Variants in SPAG16 observed in about 807,000 individuals in gnomAD.
The protein encoded by SPAG16 is sperm associated antigen 16, also known as sperm-associated antigen 16 protein.
SPAG16 carries 86 observed loss-of-function variants against 80.4 expected under a neutral mutation model. That is an observed-to-expected ratio of 1.07 (90% CI 0.90 to 1.28). SPAG16 has a LOEUF of 1.28. Among genes scored for constraint, SPAG16 ranks in the 50% most tolerant of loss-of-function variants. The pLI is 0.00. For synonymous variants in SPAG16, 294 were observed against 265.9 expected, an observed-to-expected ratio of 1.11 and a Z score of -1.03; for missense variants, 870 against 765.3, an observed-to-expected ratio of 1.14 and a Z score of -1.61.
chr2:213,731,948 G>C (rs2067063651), intron 10 of SPAG16, among the ~76,000 whole-genome samples: 1 of 152,036 alleles, frequency 6.6e-6, no homozygotes, highest in African/African-American at 2.4e-5. Flanking sequence ...TTTTGCTTTT[G>C]TTGCAATGGC....
intron 15 of SPAG16, among the ~76,000 whole-genome samples, chr2:214,407,870 C>T (rs970948666): frequency 3.9e-5 from 6 of 152,034 alleles, no homozygotes; most frequent in African/African-American, 1.2e-4. Flanking sequence ...CATTACATGC[C>T]GTGTAATAAT....
At chr2:214,314,427 A>C (rs1390014838) in intron 15 of SPAG16, among the ~76,000 whole-genome samples, 3 of 152,176 alleles carry the variant, frequency 2.0e-5, no homozygotes, top group Non-Finnish European at 4.4e-5. Flanking sequence ...AAGTTCTAAA[A>C]CATGAATGAC....
intron 5 of SPAG16, among the ~76,000 whole-genome samples, chr2:213,336,607 A>G (rs1316496674): frequency 2.0e-5 from 3 of 152,186 alleles, no homozygotes; most frequent in African/African-American, 7.2e-5. Context: ...AGCGCAGCAC[A>G]GCAGCTGTGT....
chr2:213,818,522 G>A (rs2072717525), intron 10 of SPAG16, among the ~76,000 whole-genome samples: 1 of 152,168 alleles, frequency 6.6e-6, no homozygotes, highest in Non-Finnish European at 1.5e-5. Flanking sequence ...CCAAGTCCAT[G>A]TATATATGAA....
intron 12 of SPAG16, among the ~76,000 whole-genome samples, chr2:213,934,382 A>G (rs574900048): frequency 1.3e-5 from 2 of 152,364 alleles, no homozygotes; most frequent in African/African-American, 4.8e-5. Flanking sequence ...AATGCAAGTG[A>G]CACTGCTGAA....
At chr2:213,978,776 T>C (rs188033327) in intron 12 of SPAG16, among the ~76,000 whole-genome samples, 3 of 152,218 alleles carry the variant, frequency 2.0e-5, no homozygotes, top group Non-Finnish European at 4.4e-5. Flanking sequence ...CAGGAAGATC[T>C]GTTTTCAAGC....
intron 15 of SPAG16, among the ~76,000 whole-genome samples, chr2:214,149,880 A>G (rs2055893103): frequency 6.6e-6 from 1 of 152,044 alleles, no homozygotes; most frequent in African/African-American, 2.4e-5. Context: ...GATTTTATGA[A>G]CCACACAATA....
At chr2:214,068,960 G>A (rs769029676) in intron 13 of SPAG16, among the ~76,000 whole-genome samples, 13 of 151,834 alleles carry the variant, frequency 8.6e-5, no homozygotes, top group Admixed American at 3.3e-4. Context: ...TCAGAAATTC[G>A]TTGCATTATA....
intron 10 of SPAG16, among the ~76,000 whole-genome samples, chr2:213,608,718 C>G (rs1003826505): frequency 1.3e-5 from 2 of 152,270 alleles, no homozygotes; most frequent in Non-Finnish European, 2.9e-5. Flanking sequence ...GAGTCTCGCT[C>G]TGTCCCCCCA....
intron 6 of SPAG16, among the ~76,000 whole-genome samples, chr2:213,349,389 A>C (rs1175247923): frequency 6.6e-6 from 1 of 152,156 alleles, no homozygotes; most frequent in Non-Finnish European, 1.5e-5. Context: ...GTTAATGGAA[A>C]ATGTAATAAA....
At chr2:214,250,751 TATATATAGAGAGAG>T (rs1273920606) in intron 15 of SPAG16, among the ~76,000 whole-genome samples, 25 of 98,852 alleles carry the variant, frequency 2.5e-4, no homozygotes, top group African/African-American at 6.0e-4. Context: ...TATATATATA[TATATATAGAGAGAG>T]AGAGAGAGAG....
At chr2:213,747,421 C>T (rs2067876265) in intron 10 of SPAG16, among the ~76,000 whole-genome samples, 1 of 152,088 alleles carries the variant, frequency 6.6e-6, no homozygotes, top group African/African-American at 2.4e-5. Context: ...TAGTAATGTA[C>T]ACTAGCGTCC....
At chr2:214,266,035 C>T (rs1359295669) in intron 15 of SPAG16, among the ~76,000 whole-genome samples, 1 of 151,724 alleles carries the variant, frequency 6.6e-6, no homozygotes, top group Non-Finnish European at 1.5e-5. Flanking sequence ...CTGCTCTACC[C>T]CCAGGGTCTA....
At chr2:214,320,309 C>A (rs1696005594) in intron 15 of SPAG16, among the ~76,000 whole-genome samples, 1 of 152,182 alleles carries the variant, frequency 6.6e-6, no homozygotes, top group African/African-American at 2.4e-5. Context: ...TTACTTCCTT[C>A]CAGAACTTCT....
chr2:213,301,256 C>A (rs2062730688), intron 3 of SPAG16, among the ~76,000 whole-genome samples: 1 of 152,058 alleles, frequency 6.6e-6, no homozygotes, highest in Non-Finnish European at 1.5e-5. Flanking sequence ...GTTAGAGACC[C>A]AGGCTCCTTG....
At chr2:213,540,029 ATT>A (rs58117443) in intron 10 of SPAG16, among the ~76,000 whole-genome samples, 3 of 110,804 alleles carry the variant, frequency 2.7e-5, no homozygotes, top group African/African-American at 1.0e-4. Flanking sequence ...ATATTTCTTA[ATT>A]TTTTTTTTTT....
chr2:213,467,128 T>G (rs940672629), intron 9 of SPAG16, among the ~76,000 whole-genome samples: 1 of 152,104 alleles, frequency 6.6e-6, no homozygotes, highest in African/African-American at 2.4e-5. Flanking sequence ...TATTGGGGTA[T>G]TACAAGGGCT....
chr2:213,893,689 T>C (rs552096160), intron 11 of SPAG16, among the ~76,000 whole-genome samples: 5 of 152,222 alleles, frequency 3.3e-5, no homozygotes, highest in East Asian at 1.9e-4. Flanking sequence ...AACTTTATTA[T>C]ATCTATAAGA....
chr2:213,951,409 A>AACATATCT (rs2106324480), intron 12 of SPAG16, among the ~76,000 whole-genome samples: 1 of 152,340 alleles, frequency 6.6e-6, no homozygotes, highest in African/African-American at 2.4e-5. Flanking sequence ...TCATAATAGT[A>AACATATCT]ACATATCTCT....
Sources: allele counts gnomAD v4.1 joint callset (sites outside exome capture counted in the v4.1 genomes callset), GRCh38; gene constraint gnomAD v4.1.1; transcripts MANE v1.5; gene names NCBI Gene and HGNC (gene_info 2026-07-23, HGNC 2026-07-21).